TENM1: variants seen among roughly 807,000 people sequenced by gnomAD.
TENM1 encodes the protein teneurin-1.
In TENM1, 35 loss-of-function variants were observed where a neutral mutation model predicts 174.8. The observed-to-expected ratio is 0.20, with a 90% CI of 0.15 to 0.27. TENM1 has a LOEUF of 0.27. Among genes scored for constraint, TENM1 ranks in the 10% least tolerant of loss-of-function variants. TENM1 has a pLI of 1.00. For synonymous variants in TENM1, 781 were observed against 798.7 expected, an observed-to-expected ratio of 0.98 and a Z score of 0.37; for missense variants, 1,633 against 2,130.1, an observed-to-expected ratio of 0.77 and a Z score of 4.59.
At chrX:124,990,651 G>T in the TENM1 span, among the ~76,000 whole-genome samples, 1 of 112,008 alleles carries the variant, frequency 8.9e-6, no homozygotes, top group Non-Finnish European at 1.9e-5. Context: ...TGCCTTCAGG[G>T]ATTATCTCCA....
At chrX:124,411,610 G>A (rs2060534933) in intron 25 of TENM1, among the ~76,000 whole-genome samples, 1 of 111,356 alleles carries the variant, frequency 9.0e-6, no homozygotes, top group East Asian at 2.8e-4. Context: ...GGTATCTGCA[G>A]GGTGGTGTCT....
At chrX:125,107,327 C>A in the TENM1 span, among the ~76,000 whole-genome samples, 1 of 112,367 alleles carries the variant, frequency 8.9e-6, no homozygotes, top group Admixed American at 9.4e-5. Context: ...TATTTTACTA[C>A]ATTTGGAAGT....
chrX:124,855,201 T>C (rs937741212), intron 3 of TENM1, among the ~76,000 whole-genome samples: 3 of 111,973 alleles, frequency 2.7e-5, no homozygotes, highest in African/African-American at 9.7e-5. Flanking sequence ...AACAGGGATC[T>C]AAGCTTTTAT....
intron 3 of TENM1, among the ~76,000 whole-genome samples, chrX:124,754,738 G>A (rs1264427624): frequency 1.2e-4 from 13 of 106,114 alleles, no homozygotes; most frequent in East Asian, 2.9e-4. Flanking sequence ...CCTTCATTTC[G>A]TTATGTACCC....
chrX:124,835,493 T>A (rs1365498399), intron 3 of TENM1, among the ~76,000 whole-genome samples: 1 of 111,953 alleles, frequency 8.9e-6, no homozygotes, highest in Non-Finnish European at 1.9e-5. Flanking sequence ...AAATATATAT[T>A]AGTTGATATT....
intron 5 of TENM1, among the ~76,000 whole-genome samples, chrX:124,694,118 C>T (rs937808716): frequency 5.4e-5 from 6 of 111,645 alleles, no homozygotes; most frequent in Non-Finnish European, 7.5e-5. Context: ...AGTTAATGCC[C>T]CCATGCCCTC....
At chrX:124,453,242 C>T (rs1603272853) in intron 23 of TENM1, 95 bp downstream of exon 26, 1 of 877,372 alleles carries the variant, frequency 1.1e-6, no homozygotes, top group East Asian at 3.2e-5. Flanking sequence ...ACAGATATGC[C>T]AGGCTTCCAT....
rs181085282 is a variant in TENM1 at position 124,663,562 on chromosome X, C to T, written c.1168+8121G>A. Among the ~76,000 whole-genome samples, 30 of 111,738 alleles carry T rather than the reference C, an allele frequency of 2.7e-4. No homozygotes were observed. The East Asian group carries it at 7.6e-3, about 28-fold the overall frequency. Reference sequence around the variant, plus strand: ...ATAAACCTCTACAATGGACTAGCTCCTCCACAAAACTAAAATGTTGTAAAA... The same window carrying T: ...ATAAACCTCTACAATGGACTAGCTCTTCCACAAAACTAAAATGTTGTAAAA... On this transcript the variant is annotated intron_variant, in intron 6 of 31. Coordinates refer to ENST00000422452, the Ensembl canonical transcript of TENM1.
chrX:124,856,120 C>T (rs755144213), intron 3 of TENM1, among the ~76,000 whole-genome samples: 4 of 110,307 alleles, frequency 3.6e-5, no homozygotes, highest in Non-Finnish European at 7.6e-5. Flanking sequence ...ATTTCAATTC[C>T]GACTGCCAAT....
chrX:125,113,311 A>G, the TENM1 span, among the ~76,000 whole-genome samples: 2 of 111,415 alleles, frequency 1.8e-5, no homozygotes, highest in African/African-American at 6.5e-5. Context: ...GAAAACTGTC[A>G]TGATCTTGGA....
chrX:124,785,565 T>C (rs1237189281), intron 3 of TENM1, among the ~76,000 whole-genome samples: 1 of 112,332 alleles, frequency 8.9e-6, no homozygotes, highest in African/African-American at 3.2e-5. Context: ...CTTTGACCAC[T>C]GACAAGAATA....
At chrX:125,169,619 T>C in the TENM1 span, among the ~76,000 whole-genome samples, 1 of 111,551 alleles carries the variant, frequency 9.0e-6, no homozygotes, top group African/African-American at 3.3e-5. Context: ...ACATCTAAGA[T>C]ACAATTCTTT....
At chrX:124,751,331 A>G (rs977070568) in intron 3 of TENM1, among the ~76,000 whole-genome samples, 1 of 111,915 alleles carries the variant, frequency 8.9e-6, no homozygotes, top group African/African-American at 3.3e-5. Context: ...GAATTATCTT[A>G]AACTATGAGT....
chrX:124,387,618 C>T (rs748931859), intron 28 of TENM1, among the ~76,000 whole-genome samples: 3 of 112,394 alleles, frequency 2.7e-5, no homozygotes, highest in Middle Eastern at 4.6e-3. Context: ...TTTATATCTT[C>T]TAAATATGAC....
chrX:124,746,207 T>G (rs780365530), intron 3 of TENM1, among the ~76,000 whole-genome samples: 1 of 112,293 alleles, frequency 8.9e-6, no homozygotes, highest in Non-Finnish European at 1.9e-5. Context: ...AAAAAAGTTA[T>G]AGCAACCATG....
intron 23 of TENM1, among the ~76,000 whole-genome samples, chrX:124,438,948 C>G (rs1054059779): frequency 1.8e-5 from 2 of 111,539 alleles, no homozygotes; most frequent in African/African-American, 6.5e-5. Flanking sequence ...TTGTTTCTCC[C>G]AGTTTATCAT....
At chrX:124,844,409 C>T (rs1227808969) in intron 3 of TENM1, among the ~76,000 whole-genome samples, 1 of 111,567 alleles carries the variant, frequency 9.0e-6, no homozygotes, top group Non-Finnish European at 1.9e-5. Flanking sequence ...TAGAGAGCTA[C>T]ATTTGATCCC....
In TENM1 at chrX:124,891,110, C is replaced by T. The variant is rs147087085; in HGVS notation, c.535+3186G>A. On this transcript the variant is annotated intron_variant, in intron 3 of 31. Coordinates refer to ENST00000422452, the Ensembl canonical transcript of TENM1. ...CTAAAAATCAAAACAATTGTACTTA[C>T]GGAGATAGAGAGTAGAAGGATGGTT... is the stretch of plus-strand genomic sequence containing the variant. 4.6e-3 allele frequency among the ~76,000 whole-genome samples: 501 copies of T among 109,954 alleles called. 4 individuals are homozygous for T. The highest frequency in any genetic ancestry group is 0.016 in the African/African-American group (482 of 30,195).
chrX:125,111,557 T>C, the TENM1 span, among the ~76,000 whole-genome samples: 10 of 112,410 alleles, frequency 8.9e-5, no homozygotes, highest in Non-Finnish European at 1.5e-4. Flanking sequence ...GGCTAAGCAC[T>C]GAGGTAAAGA....
Sources: allele counts gnomAD v4.1 joint callset (sites outside exome capture counted in the v4.1 genomes callset), GRCh38; gene constraint gnomAD v4.1.1; transcripts MANE v1.5; gene names NCBI Gene and HGNC (gene_info 2026-07-23, HGNC 2026-07-21).